HPN: variants seen among roughly 807,000 people sequenced by gnomAD.
The protein encoded by HPN is serine protease hepsin.
In HPN, 13 loss-of-function variants were observed where a neutral mutation model predicts 55.9. The ratio of observed to expected loss-of-function variants is 0.23; its 90% CI spans 0.15 to 0.37. HPN has a LOEUF of 0.37. HPN is among the 10% of genes least tolerant of loss of function. HPN has a pLI of 1.00. For missense variants in HPN, 451 were observed against 575.8 expected (o/e 0.78, Z 2.22); for synonymous variants, 225 against 240.3 (o/e 0.94, Z 0.59).
At chr19:35,050,168 G>T (rs1047283265) in intron 4 of HPN, among the ~76,000 whole-genome samples, 1 of 152,126 alleles carries the variant, frequency 6.6e-6, no homozygotes, top group African/African-American at 2.4e-5. Context: ...TGTCACCCAG[G>T]CTAGAGTGCA....
chr19:35,057,272 A>G (rs1286586093), intron 4 of HPN, among the ~76,000 whole-genome samples: 2 of 152,154 alleles, frequency 1.3e-5, no homozygotes, highest in East Asian at 3.9e-4. Flanking sequence ...TAAAAATACA[A>G]AAAATTAGCC....
chr19:35,041,885 GC>G lies in HPN; in HGVS notation c.-55+18del. 1 of 1,333,736 alleles carries G rather than the reference GC, an allele frequency of 7.5e-7. No homozygotes were observed. 82.6% of individuals were successfully genotyped at this position (1,333,736 alleles called of 1,614,324 possible). Reference sequence around the variant, plus strand: ...GCTGGACCCCAGGGTAAGGACAAGGGCCCCCAGACTCACAGTTCCAGCCCTG... The same window carrying G: ...GCTGGACCCCAGGGTAAGGACAAGGGCCCCAGACTCACAGTTCCAGCCCTG... On this transcript the variant is annotated intron_variant, in intron 1 of 12. Transcript: ENST00000672452.
At chr19:35,063,499 G>C (rs2445819) in intron 9 of HPN, among the ~76,000 whole-genome samples, 1 of 152,144 alleles carries the variant, frequency 6.6e-6, no homozygotes, top group African/African-American at 2.4e-5. Flanking sequence ...ACTTGAGGTC[G>C]GGAGTTTGAG....
intron 4 of HPN, among the ~76,000 whole-genome samples, chr19:35,058,189 T>C (rs12985780): frequency 0.14 from 21,650 of 150,938 alleles, 1,653 homozygotes; most frequent in African/African-American, 0.2. Context: ...TAAATACATA[T>C]ATATTTTTGA....
intron 10 of HPN, 57 bp from the exon 11 acceptor site, chr19:35,065,482 G>A (rs1377158588): frequency 4.4e-6 from 7 of 1,596,608 alleles, no homozygotes; most frequent in Non-Finnish European, 5.1e-6. Context: ...GGCACCAGGA[G>A]GGAAGGGGGG....
At position 35,066,039 on chromosome 19, in the gene HPN, G is replaced by A. The variant is rs750806856; in HGVS notation, c.1215+7G>A. ...GATCTTCCAGGCCATAAAGGTGAAA[G>A]TTGGGTCCAGATGGGAGCCAGGGTG... is the stretch of plus-strand genomic sequence containing the variant. On this transcript the variant is annotated splice_region_variant and intron_variant, in intron 12 of 12. Coordinates refer to ENST00000672452, the MANE Select transcript of HPN (RefSeq NM_001384133.1). 2.5e-6 allele frequency: 4 copies of A among 1,610,042 alleles called. No individual in the cohort carries two copies. The highest frequency in any genetic ancestry group is 1.7e-6 in the Non-Finnish European group (2 of 1,180,018).
At chr19:35,057,412 C>T (rs1600389708) in intron 4 of HPN, among the ~76,000 whole-genome samples, 1 of 142,406 alleles carries the variant, frequency 7.0e-6, no homozygotes, top group Non-Finnish European at 1.5e-5. Flanking sequence ...GGTGACAGAG[C>T]GAGACTCTGT....
chr19:35,047,627 A>G (rs1312262372), intron 2 of HPN, among the ~76,000 whole-genome samples: 1 of 148,802 alleles, frequency 6.7e-6, no homozygotes, highest in Non-Finnish European at 1.5e-5. Context: ...ATGTTCCCGG[A>G]ACCTAGAAAG....
intron 4 of HPN, among the ~76,000 whole-genome samples, chr19:35,054,550 A>T (rs2064436646): frequency 1.3e-5 from 2 of 152,092 alleles, no homozygotes; most frequent in Non-Finnish European, 1.5e-5. Context: ...CAGTGCTATT[A>T]TTACTGTGCT....
intron 4 of HPN, among the ~76,000 whole-genome samples, chr19:35,052,023 G>A (rs1441211176): frequency 1.3e-5 from 2 of 152,130 alleles, no homozygotes; most frequent in Non-Finnish European, 2.9e-5. Context: ...CACCCTCAGG[G>A]CCCAGTCCCT....
intron 9 of HPN, among the ~76,000 whole-genome samples, chr19:35,062,856 C>T (rs1210711559): frequency 6.6e-6 from 1 of 151,708 alleles, no homozygotes; most frequent in African/African-American, 2.4e-5. Context: ...GCATTCCAGC[C>T]TGGTTGATAG....
chr19:35,066,144 C>T, intron 12 of HPN, 105 bp from the exon 13 acceptor site: 1 of 1,612,922 alleles, frequency 6.2e-7, no homozygotes, highest in Non-Finnish European at 8.5e-7. Flanking sequence ...GAAGAGGGCC[C>T]CCCTTGGGAA....
chr19:35,043,430 G>A (rs988787549), intron 2 of HPN, among the ~76,000 whole-genome samples: 9 of 152,302 alleles, frequency 5.9e-5, no homozygotes, highest in South Asian at 2.1e-4. Flanking sequence ...CAGGATAGCC[G>A]GGCTCAGTCC....
In HPN at chr19:35,066,534, G is replaced by A. The variant is rs1388104249; in HGVS notation, c.*247G>A. The stretch of plus-strand genomic sequence containing the variant: ...GGACTCCTGTCTAGGTGCCCCTGAT[G>A]ACGGGATGCTCTTTAAATAATAAAG... On this transcript the variant is annotated 3_prime_UTR_variant, in exon 13 of 13. Transcript: ENST00000672452. The A allele has an allele frequency of 2.3e-5, 13 of 561,232 alleles. No homozygotes were observed. The highest frequency in any genetic ancestry group is 3.5e-5 in the Non-Finnish European group (11 of 317,464). 34.8% of individuals were successfully genotyped at this position (561,232 alleles called of 1,614,324 possible).
At chr19:35,065,500 A>AC in intron 10 of HPN, 39 bp from the exon 11 acceptor site, 1 of 1,605,134 alleles carries the variant, frequency 6.2e-7, no homozygotes. Context: ...GGGTGTGTAC[A>AC]CCCCCCAGCT....
chr19:35,065,854 C>T lies in HPN; in HGVS notation c.1051-14C>T. ...CACTTTGGCCTTCAGCCAGACCTCC[C>T]TCTCCCCTCCCAGGGCGACAGCGGT... On this transcript the variant is annotated splice_polypyrimidine_tract_variant and intron_variant, in intron 11 of 12. Transcript: ENST00000672452. 1 of 1,613,546 alleles carries T rather than the reference C, an allele frequency of 6.2e-7. No homozygotes were observed. The highest frequency in any genetic ancestry group is 2.2e-5 in the East Asian group (1 of 44,866).
intron 2 of HPN, among the ~76,000 whole-genome samples, chr19:35,044,842 A>T (rs1235725986): frequency 6.6e-6 from 1 of 151,956 alleles, no homozygotes; most frequent in Non-Finnish European, 1.5e-5. Context: ...CTCCGTGTGG[A>T]GGGTGCGCTA....
At chr19:35,057,515 A>G (rs2064467867) in intron 4 of HPN, among the ~76,000 whole-genome samples, 1 of 152,116 alleles carries the variant, frequency 6.6e-6, no homozygotes, top group African/African-American at 2.4e-5. Flanking sequence ...GTTATTTTTC[A>G]TAAAACATAG....
At chr19:35,042,650 C>CG in intron 2 of HPN, 128 bp downstream of exon 2, 1 of 695,646 alleles carries the variant, frequency 1.4e-6, no homozygotes, top group Non-Finnish European at 2.5e-6. Context: ...ATCCCCACCC[C>CG]TGTTAGTCCT....
Sources: gnomAD v4.1 joint callset for allele counts (sites outside exome capture counted in the v4.1 genomes callset) on GRCh38, gnomAD v4.1.1 for gene constraint, MANE v1.5 for transcripts, NCBI Gene and HGNC (gene_info 2026-07-23, HGNC 2026-07-21) for gene names.